EIF1B: variants seen among roughly 807,000 people sequenced by gnomAD.
EIF1B encodes protein translation factor SUI1 homolog GC20.
In EIF1B, 5 loss-of-function variants were observed where a neutral mutation model predicts 14.8. The observed-to-expected ratio is 0.34, with a 90% CI of 0.18 to 0.71. EIF1B has a LOEUF of 0.71. EIF1B is among the 30% of genes least tolerant of loss of function. EIF1B has a pLI of 0.64. For missense variants in EIF1B, 56 were observed against 134.0 expected, an observed-to-expected ratio of 0.42 and a Z score of 2.87; for synonymous variants, 45 against 45.8, an observed-to-expected ratio of 0.98 and a Z score of 0.07.
At chr3:40,310,869 T>G (rs778410314) in intron 1 of EIF1B, 24 bp from the exon 2 acceptor site, 1 of 1,547,400 alleles carries the variant, frequency 6.5e-7, no homozygotes, top group African/African-American at 1.4e-5. Context: ...TTTGGATTTT[T>G]TTTTTTTTTT....
Position 40,311,518 on chromosome 3 carries a change from G to A in EIF1B, c.244G>A (p.Val82Ile), listed in dbSNP as rs745389417. 1 of 1,613,930 alleles carries A rather than the reference G, an allele frequency of 6.2e-7. No homozygotes were observed. ...TVIEHPEYGEVIQLQGDQRKN... is the reference protein window; with the variant it reads ...TVIEHPEYGEIIQLQGDQRKN... ...GATTGAACATCCTGAATACGGAGAG[G>A]TTATTCAGCTTCAAGGTGACCAAAG... Residue 82 changes from valine (V) to isoleucine (I), a missense_variant, in exon 3 of 4, where the codon GTT becomes ATT. Coordinates refer to ENST00000232905, the MANE Select transcript of EIF1B (RefSeq NM_005875.3).
chr3:40,310,071 C>T, intron 1 of EIF1B, 99 bp downstream of exon 1: 1 of 1,504,890 alleles, frequency 6.6e-7, no homozygotes, highest in Non-Finnish European at 9.2e-7. Flanking sequence ...TTCTGCCCTT[C>T]CCGCACCCCT....
At chr3:40,310,601 T>G in intron 1 of EIF1B, 1 of 254,778 alleles carries the variant, frequency 3.9e-6, no homozygotes, top group Non-Finnish European at 7.4e-6. Flanking sequence ...TATTAAGGTT[T>G]TCTAAATCTT....
rs752998234 is a variant in EIF1B at position 40,311,422 on chromosome 3, C to T, written c.196-48C>T. On this transcript the variant is annotated intron_variant, in intron 2 of 3. Transcript: ENST00000232905. ...TTCTGTTCATACGGTGAAATAAAAC[C>T]TCATAGTAGTTGACTAAATTTTGTT... The T allele has an allele frequency of 2.2e-6, 3 of 1,356,542 alleles. No individual in the cohort carries two copies. In the South Asian group the frequency reaches 3.6e-5, roughly 16 times the overall value. 84.0% of individuals were successfully genotyped at this position (1,356,542 alleles called of 1,614,324 possible). A position where few individuals can be genotyped will look rare whatever the true frequency, so the allele number is the denominator to read the frequency against.
In EIF1B at chr3:40,312,287, T is replaced by G; in HGVS notation, c.*273T>G. 8.1e-6 allele frequency: 2 copies of G among 246,198 alleles called. No homozygotes were observed. Among genetic ancestry groups the G allele is most frequent in the South Asian group, 8.1e-5 (1 of 12,330 alleles). 15.3% of individuals were successfully genotyped at this position (246,198 alleles called of 1,614,324 possible). A position where few individuals can be genotyped will look rare whatever the true frequency, so the allele number is the denominator to read the frequency against. On this transcript the variant is annotated 3_prime_UTR_variant, in exon 4 of 4. Coordinates refer to ENST00000232905, the MANE Select transcript of EIF1B (RefSeq NM_005875.3). ...GTGTTTATTGTTCAGTTTATTACGTTTCACTTGATTAAATTTTTTTGTTGT... is the reference window on the plus strand; with the variant it reads ...GTGTTTATTGTTCAGTTTATTACGTGTCACTTGATTAAATTTTTTTGTTGT...
At chr3:40,310,516 A>C (rs1954311518) in intron 1 of EIF1B, 1 of 191,112 alleles carries the variant, frequency 5.2e-6, no homozygotes, top group South Asian at 1.5e-4. Flanking sequence ...TAAATGATTA[A>C]GGTGGGCGTA....
rs1255534074 is a variant in EIF1B, at chr3:40,309,747, C to T, written c.-195C>T. ...CGCCTCTTCTCTCGCGCCCTCGCCT[C>T]TTCCTCCGCCTCCTCCTTCGCCTCT... On this transcript the variant is annotated 5_prime_UTR_variant, in exon 1 of 4. Coordinates refer to ENST00000232905, the MANE Select transcript of EIF1B (RefSeq NM_005875.3). 14 of 616,930 alleles carry T rather than the reference C, an allele frequency of 2.3e-5. No individual in the cohort carries two copies. Among genetic ancestry groups the T allele is most frequent in the Non-Finnish European group, 3.9e-5 (14 of 355,174 alleles). 38.2% of individuals were successfully genotyped at this position (616,930 alleles called of 1,614,324 possible).
In EIF1B at chr3:40,309,791, T is replaced by C. The variant is rs1022270388; in HGVS notation, c.-151T>C. 3.4e-6 allele frequency: 3 copies of C among 883,864 alleles called. No individual in the cohort carries two copies. The highest frequency in any genetic ancestry group is 3.5e-6 in the Non-Finnish European group (2 of 569,676). 54.8% of individuals were successfully genotyped at this position (883,864 alleles called of 1,614,324 possible). ...CGCCTCTTCCTGCCTCCTCCCGGCT[T>C]CCGCCGCCGCCACTCCAGCCTAATC... On this transcript the variant is annotated 5_prime_UTR_variant, in exon 1 of 4. Transcript: ENST00000232905.
chr3:40,309,976 A>G lies in EIF1B; in HGVS notation c.31+4A>G. The G allele has an allele frequency of 6.2e-7, 1 of 1,613,848 alleles. No individual in the cohort carries two copies. Among genetic ancestry groups the G allele is most frequent in the Non-Finnish European group, 8.5e-7 (1 of 1,179,960 alleles). On this transcript the variant is annotated splice_donor_region_variant and intron_variant, in intron 1 of 3. Transcript: ENST00000232905. ...ATCCAGAACCTCCAATCTTTCGGTAAGATCCCGTCGCCGCCGCCTCCCTCC... is the reference window on the plus strand; with the variant it reads ...ATCCAGAACCTCCAATCTTTCGGTAGGATCCCGTCGCCGCCGCCTCCCTCC...
At chr3:40,311,869 A>T in intron 3 of EIF1B, 101 bp from the exon 4 acceptor site, 1 of 918,458 alleles carries the variant, frequency 1.1e-6, no homozygotes, top group Admixed American at 1.9e-5. Context: ...GTGTTGCAGT[A>T]AGCTGTTGAT....
chr3:40,309,779 C>A lies in EIF1B; in HGVS notation c.-163C>A. 1 of 759,584 alleles carries A rather than the reference C, an allele frequency of 1.3e-6. No homozygotes were observed. Among genetic ancestry groups the A allele is most frequent in the Non-Finnish European group, 2.2e-6 (1 of 461,552 alleles). 47.1% of individuals were successfully genotyped at this position (759,584 alleles called of 1,614,324 possible). On this transcript the variant is annotated 5_prime_UTR_variant, in exon 1 of 4. Transcript: ENST00000232905. Reference sequence around the variant, plus strand: ...CGCCTCCTCCTTCGCCTCTTCCTGCCTCCTCCCGGCTTCCGCCGCCGCCAC... The same window carrying A: ...CGCCTCCTCCTTCGCCTCTTCCTGCATCCTCCCGGCTTCCGCCGCCGCCAC...
Position 40,309,980 on chromosome 3 carries a change from C to T in EIF1B, c.31+8C>T, listed in dbSNP as rs1380919506. The T allele has an allele frequency of 1.2e-6, 2 of 1,613,790 alleles. No homozygotes were observed. The highest frequency in any genetic ancestry group is 2.2e-5 in the East Asian group (1 of 44,870). Reference sequence around the variant, plus strand: ...AGAACCTCCAATCTTTCGGTAAGATCCCGTCGCCGCCGCCTCCCTCCCTTG... The same window carrying T: ...AGAACCTCCAATCTTTCGGTAAGATTCCGTCGCCGCCGCCTCCCTCCCTTG... On this transcript the variant is annotated splice_region_variant and intron_variant, in intron 1 of 3. Transcript: ENST00000232905.
At position 40,310,922 on chromosome 3, in the gene EIF1B, G is replaced by C; in HGVS notation, c.61G>C (p.Asp21His). 6.2e-7 allele frequency: 1 copy of C among 1,610,346 alleles called. No homozygotes were observed. The highest frequency in any genetic ancestry group is 8.5e-7 in the Non-Finnish European group (1 of 1,178,622). The change falls in exon 2 of 4, where the codon GAC becomes CAC. Residue 21 changes from aspartate to histidine, a missense_variant. This residue lies in a region of EIF1B where 20 missense variants were observed against 29.2 expected (regional missense o/e 0.69). Coordinates refer to ENST00000232905, the MANE Select transcript of EIF1B (RefSeq NM_005875.3). The part of the protein sequence containing the change: ...DPFADATKGD[D>H]LLPAGTEDYI... ...CTTTGCTGATGCAACTAAGGGTGAC[G>C]ACTTACTCCCGGCAGGGACTGAGGA...
chr3:40,309,864 A>G lies in EIF1B; in HGVS notation c.-78A>G, dbSNP rs1476854484. The G allele has an allele frequency of 5.2e-6, 8 of 1,532,754 alleles. No homozygotes were observed. The highest frequency in any genetic ancestry group is 7.2e-6 in the Non-Finnish European group (8 of 1,108,048). 94.9% of individuals were successfully genotyped at this position (1,532,754 alleles called of 1,614,324 possible). On this transcript the variant is annotated 5_prime_UTR_variant, in exon 1 of 4. Coordinates refer to ENST00000232905, the MANE Select transcript of EIF1B (RefSeq NM_005875.3). ...TCTTATTTATTTCCGTTTTCTCGCC[A>G]CTACAGCCTCCTGACAAGGTGATCC...
In EIF1B at chr3:40,310,045, C is replaced by T. The variant is rs1380670591; in HGVS notation, c.31+73C>T. ...CGGCCTTTTGCCCGCCTGGCCACCG[C>T]CCCTAGGGGCCCCCTTTCTGCCCTT... is the stretch of plus-strand genomic sequence containing the variant. On this transcript the variant is annotated intron_variant, in intron 1 of 3. Transcript: ENST00000232905. 17 of 1,583,236 alleles carry T rather than the reference C, an allele frequency of 1.1e-5. No homozygotes were observed. In the Admixed American group the frequency reaches 2.5e-4, roughly 23 times the overall value.
intron 1 of EIF1B, 131 bp from the exon 2 acceptor site, chr3:40,310,762 C>A: frequency 2.0e-6 from 2 of 990,130 alleles, no homozygotes; most frequent in Non-Finnish European, 2.9e-6. Context: ...TTCCTACCGG[C>A]AAAAACAGCA....
At chr3:40,310,075 C>T in intron 1 of EIF1B, 103 bp downstream of exon 1, 1 of 1,484,966 alleles carries the variant, frequency 6.7e-7, no homozygotes, top group Non-Finnish European at 9.3e-7. Flanking sequence ...GCCCTTCCCG[C>T]ACCCCTAGTG....
intron 3 of EIF1B, 35 bp downstream of exon 3, chr3:40,311,606 AT>A (rs1211388443): frequency 1.3e-6 from 2 of 1,509,856 alleles, no homozygotes; most frequent in South Asian, 1.2e-5. Flanking sequence ...TAACCTTGAG[AT>A]TGCTTTTAAA....
Position 40,312,086 on chromosome 3 carries a change from ATGAT to A in EIF1B, c.*74_*77del. ...AAACCCGGTTTGGCTGCCTTGTGAAATGATTCCCTGCAGTAAACGGACTTTTCAT... is the reference window on the plus strand; with the variant it reads ...AAACCCGGTTTGGCTGCCTTGTGAAATCCCTGCAGTAAACGGACTTTTCAT... On this transcript the variant is annotated 3_prime_UTR_variant, in exon 4 of 4. Coordinates refer to ENST00000232905, the MANE Select transcript of EIF1B (RefSeq NM_005875.3). 2 of 1,041,380 alleles carry A rather than the reference ATGAT, an allele frequency of 1.9e-6. No individual in the cohort carries two copies. Among genetic ancestry groups the A allele is most frequent in the Non-Finnish European group, 3.0e-6 (2 of 667,686 alleles). 64.5% of individuals were successfully genotyped at this position (1,041,380 alleles called of 1,614,324 possible). A position where few individuals can be genotyped will look rare whatever the true frequency, so the allele number is the denominator to read the frequency against.
Sources: gnomAD v4.1 joint callset for allele counts on GRCh38, gnomAD v4.1.1 for gene constraint, gnomAD v4.1.1 regional missense constraint, MANE v1.5 for transcripts, NCBI Gene and HGNC (gene_info 2026-07-23, HGNC 2026-07-21) for gene names.